Variants in CENPT observed in about 807,000 individuals in gnomAD.
CENPT encodes interphase centromere complex protein 22.
CENPT carries 42 observed loss-of-function variants against 59.7 expected under a neutral mutation model. That is an observed-to-expected ratio of 0.70 (90% CI 0.55 to 0.91). The LOEUF (loss-of-function observed/expected upper bound fraction) is 0.91, where lower values mean the gene tolerates loss of function less well. CENPT is among the 40% of genes least tolerant of loss of function. CENPT has a pLI of 0.00. For missense variants in CENPT, 716 were observed against 713.4 expected (o/e 1.00, Z -0.04); for synonymous variants, 295 against 289.6 (o/e 1.02, Z -0.19).
chr16:67,844,501 T>C (rs778876823), intron 1 of CENPT, among the ~76,000 whole-genome samples: 1 of 152,224 alleles, frequency 6.6e-6, no homozygotes, highest in Non-Finnish European at 1.5e-5. Flanking sequence ...TATATTGTGA[T>C]AGTTCGCCTC....
At chr16:67,832,376 G>T (rs1399767263) in intron 5 of CENPT, 61 bp from the exon 6 acceptor site, 4 of 1,606,474 alleles carry the variant, frequency 2.5e-6, no homozygotes, top group Non-Finnish European at 3.4e-6. Flanking sequence ...CTCAAGGTGG[G>T]CTCCAGAGCA....
intron 4 of CENPT, among the ~76,000 whole-genome samples, chr16:67,832,949 C>A (rs1414482089): frequency 6.6e-6 from 1 of 152,172 alleles, no homozygotes; most frequent in Non-Finnish European, 1.5e-5. Context: ...AACTTGGGTA[C>A]CCCAGACACC....
In CENPT at chr16:67,831,355, G is replaced by A. The variant is rs1406772319; in HGVS notation, c.564C>T (p.Ser188=). ...GNADASSLTR[S]LNLTFATPLQ... ...GAGGTGTGGCAAAGGTCAGGTTGAG[G>A]GATCTGGTGAGGTGGGGAGGCACAG... Residue 188 remains serine, a synonymous_variant, in exon 10 of 16, where the codon TCC becomes TCT. Transcript: ENST00000562787. 5 of 1,613,238 alleles carry A rather than the reference G, an allele frequency of 3.1e-6. No homozygotes were observed. The highest frequency in any genetic ancestry group is 2.2e-5 in the East Asian group (1 of 44,852).
chr16:67,830,467 G>C lies in CENPT; in HGVS notation c.785C>G (p.Pro262Arg). 1 of 1,614,152 alleles carries C rather than the reference G, an allele frequency of 6.2e-7. No homozygotes were observed. Among genetic ancestry groups the C allele is most frequent in the Non-Finnish European group, 8.5e-7 (1 of 1,180,012 alleles). The change falls in exon 11 of 16, where the codon CCT (proline) becomes CGT (arginine). Residue 262 changes from proline (P) to arginine (R), a missense_variant. Physicochemically the swap from Pro to Arg is moderately radical, Grantham distance 103. Transcript: ENST00000562787. ...PNVYHSLPCT[P>R]HTGAEDAEQA... is the part of the protein sequence containing the mutation. ...CTCAGCGTCTTCAGCCCCAGTGTGA[G>C]GCGTGCAGGGCAGGGAGTGATACAC...
At chr16:67,832,424 G>A in intron 5 of CENPT, 31 bp downstream of exon 5, 7 of 1,611,470 alleles carry the variant, frequency 4.3e-6, no homozygotes, top group Non-Finnish European at 5.9e-6. Context: ...GGCAGCCAGG[G>A]CCCTTTGGGG....
rs2057767757 is a variant in CENPT at position 67,842,388 on chromosome 16, TCTG to T, written c.-492+5010_-492+5012del. The T allele has an allele frequency of 3.0e-6, 1 of 335,600 alleles. No individual in the cohort carries two copies. Among genetic ancestry groups the T allele is most frequent in the Non-Finnish European group, 4.7e-6 (1 of 213,576 alleles). The allele number at this position is 335,600 out of a possible 1,614,324, so 20.8% of individuals were successfully genotyped here. ...CGGCGCGGGCCGGCAGGAAGCGTATTCTGGGCACGGGGCGCCGGGCGGGCCGGC... is the reference window on the plus strand; with the variant it reads ...CGGCGCGGGCCGGCAGGAAGCGTATTGGCACGGGGCGCCGGGCGGGCCGGC... On this transcript the variant is annotated intron_variant, in intron 1 of 15. Coordinates refer to ENST00000562787, the MANE Select transcript of CENPT (RefSeq NM_025082.4). The surrounding 1 kb of genome is among the most constrained non-coding windows in gnomAD (Gnocchi z 4.9).
chr16:67,834,553 A>G (rs1252890867), intron 3 of CENPT, among the ~76,000 whole-genome samples: 1 of 152,192 alleles, frequency 6.6e-6, no homozygotes, highest in Non-Finnish European at 1.5e-5. Flanking sequence ...CAGGAGTTCA[A>G]GACTTAAGTG....
intron 11 of CENPT, 29 bp downstream of exon 11, chr16:67,830,361 G>C (rs1315476721): frequency 6.3e-7 from 1 of 1,582,946 alleles, no homozygotes; most frequent in Non-Finnish European, 8.6e-7. Context: ...GCTAAATTTG[G>C]CTCCAGGCCA....
chr16:67,830,824 A>C lies in CENPT; in HGVS notation c.704-276T>G, dbSNP rs2057680075. 8 of 523,676 alleles carry C rather than the reference A, an allele frequency of 1.5e-5. No individual in the cohort carries two copies. In the South Asian group the frequency reaches 2.0e-4, roughly 13 times the overall value. 32.4% of individuals were successfully genotyped at this position (523,676 alleles called of 1,614,324 possible). A position where few individuals can be genotyped will look rare whatever the true frequency, so the allele number is the denominator to read the frequency against. ...CGCCCACCAGCTGCCCACTTAAAATACCTCTTCGCTGCTTGTTCTGCTCCG... is the reference window on the plus strand; with the variant it reads ...CGCCCACCAGCTGCCCACTTAAAATCCCTCTTCGCTGCTTGTTCTGCTCCG... On this transcript the variant is annotated intron_variant, in intron 10 of 15. Transcript: ENST00000562787.
Position 67,831,747 on chromosome 16 carries a change from G to C in CENPT, c.523+7C>G. ...GAGGGTAGCAAAAGTGGTGTCCAGGGCCTCACCTTGGGAGAGAGACAGCCC... is the reference window on the plus strand; with the variant it reads ...GAGGGTAGCAAAAGTGGTGTCCAGGCCCTCACCTTGGGAGAGAGACAGCCC... On this transcript the variant is annotated splice_region_variant and intron_variant, in intron 8 of 15. Coordinates refer to ENST00000562787, the MANE Select transcript of CENPT (RefSeq NM_025082.4). 6.3e-7 allele frequency: 1 copy of C among 1,581,014 alleles called. No homozygotes were observed. Among genetic ancestry groups the C allele is most frequent in the Non-Finnish European group, 8.6e-7 (1 of 1,164,280 alleles).
intron 1 of CENPT, among the ~76,000 whole-genome samples, chr16:67,837,216 G>A (rs918150537): frequency 8.1e-5 from 12 of 148,304 alleles, no homozygotes; most frequent in Non-Finnish European, 1.3e-4. Flanking sequence ...TCTGTCACCC[G>A]CGCTGGAGTG....
At chr16:67,828,646 C>A in intron 14 of CENPT, 21 bp downstream of exon 14, 1 of 1,614,106 alleles carries the variant, frequency 6.2e-7, no homozygotes, top group South Asian at 1.1e-5. Context: ...CCTCTCCCTA[C>A]CCCATGTGCC....
chr16:67,839,492 G>A (rs1321732389), intron 1 of CENPT, among the ~76,000 whole-genome samples: 13 of 152,004 alleles, frequency 8.6e-5, no homozygotes, highest in East Asian at 1.9e-4. Context: ...CCCAAGAGGC[G>A]GATGTTGCAG....
In CENPT at chr16:67,829,886, G is replaced by C; in HGVS notation, c.1065C>G (p.Pro355=). 6.2e-7 allele frequency: 1 copy of C among 1,614,240 alleles called. No homozygotes were observed. Among genetic ancestry groups the C allele is most frequent in the Non-Finnish European group, 8.5e-7 (1 of 1,180,048 alleles). The change falls in exon 12 of 16, where the codon CCC becomes CCG. Residue 355 remains proline, a synonymous_variant. Coordinates refer to ENST00000562787, the MANE Select transcript of CENPT (RefSeq NM_025082.4). ...SEMEATGAQG[P]SRVEEAEGHT... ...GTCCCTCAGCCTCTTCTACCCTGCT[G>C]GGTCCTTGTGCTCCTGTTGCCTCCA...
Position 67,833,821 on chromosome 16 carries a change from G to A in CENPT, c.39C>T (p.Arg13=). 1 of 1,575,404 alleles carries A rather than the reference G, an allele frequency of 6.3e-7. No homozygotes were observed. ...TATCCAGCACGCGTCGCAGCAGCGT[G>A]CGCGGCGTGGAGTCGCTGTCAGGGT... is the stretch of plus-strand genomic sequence containing the variant. ...DHNPDSDSTP[R]TLLRRVLDTA... Residue 13 remains arginine (R), a synonymous_variant, in exon 4 of 16, where the codon CGC becomes CGT. Coordinates refer to ENST00000562787, the MANE Select transcript of CENPT (RefSeq NM_025082.4).
At chr16:67,832,135 G>A in intron 6 of CENPT, 27 bp from the exon 7 acceptor site, 1 of 1,608,380 alleles carries the variant, frequency 6.2e-7, no homozygotes, top group Non-Finnish European at 8.5e-7. Context: ...GAGAGGGTGG[G>A]GCTGACAGAA....
chr16:67,828,421 A>C, intron 15 of CENPT, 31 bp from the exon 16 acceptor site: 1 of 1,613,350 alleles, frequency 6.2e-7, no homozygotes, highest in Non-Finnish European at 8.5e-7. Flanking sequence ...GGACAGGCAG[A>C]ATCAGCACCA....
chr16:67,833,725 G>A, intron 4 of CENPT, 25 bp downstream of exon 4: 1 of 1,424,132 alleles, frequency 7.0e-7, no homozygotes, highest in Non-Finnish European at 9.4e-7. Context: ...AGTTGCTCAA[G>A]TACTCGGGGA....
chr16:67,828,729 T>C lies in CENPT; in HGVS notation c.1395A>G (p.Lys465=). The change falls in exon 14 of 16, where the codon AAA becomes AAG. Residue 465 remains lysine, a synonymous_variant. Coordinates refer to ENST00000562787, the MANE Select transcript of CENPT (RefSeq NM_025082.4). ...GCATCTTGGCATAGAAGCTAAAGAG[T>C]TTCACATAGTGGCTCAGTCCAGCCT... ...PHKAGLSHYV[K]LFSFYAKMPM... 6.2e-7 allele frequency: 1 copy of C among 1,613,850 alleles called. No homozygotes were observed. The highest frequency in any genetic ancestry group is 8.5e-7 in the Non-Finnish European group (1 of 1,179,934).
Sources: allele counts gnomAD v4.1 joint callset (sites outside exome capture counted in the v4.1 genomes callset), GRCh38; gene constraint gnomAD v4.1.1; non-coding constraint Gnocchi (gnomAD v3.1); transcripts MANE v1.5; gene names NCBI Gene and HGNC (gene_info 2026-07-23, HGNC 2026-07-21).